The following GPBP1 variants were observed in gnomAD, a reference collection of about 807,000 sequenced individuals.
GPBP1 encodes the protein GC-rich promoter binding protein 1, also known as vasculin.
In GPBP1, 13 loss-of-function variants were observed where a neutral mutation model predicts 56.5. The observed-to-expected ratio is 0.23, with a 90% CI of 0.15 to 0.37. The LOEUF (loss-of-function observed/expected upper bound fraction) is 0.37. Ranked by LOEUF, GPBP1 falls within the 10% of genes least tolerant of loss-of-function variation. The pLI is 1.00. For missense variants in GPBP1, 477 were observed against 572.3 expected, an observed-to-expected ratio of 0.83 and a Z score of 1.70; for synonymous variants, 204 against 188.9, an observed-to-expected ratio of 1.08 and a Z score of -0.66.
chr5:57,260,679 A>G (rs1213387351), intron 10 of GPBP1, among the ~76,000 whole-genome samples: 1 of 152,172 alleles, frequency 6.6e-6, no homozygotes, highest in African/African-American at 2.4e-5. Context: ...AGAAGTACTT[A>G]GGGGTTTCAT....
At chr5:57,207,172 C>G (rs1333182676) in intron 2 of GPBP1, among the ~76,000 whole-genome samples, 5 of 152,208 alleles carry the variant, frequency 3.3e-5, no homozygotes, top group Admixed American at 2.0e-4. Context: ...GGCCAGCTCA[C>G]TGTTACTTTA....
intron 2 of GPBP1, among the ~76,000 whole-genome samples, chr5:57,202,160 G>T (rs1755048003): frequency 6.6e-6 from 1 of 151,960 alleles, no homozygotes; most frequent in South Asian, 2.1e-4. Flanking sequence ...CGCTCGGCTA[G>T]TTTTTGTAGA....
intron 6 of GPBP1, among the ~76,000 whole-genome samples, chr5:57,238,197 T>A (rs1310617645): frequency 6.6e-6 from 1 of 152,220 alleles, no homozygotes; most frequent in Non-Finnish European, 1.5e-5. Context: ...ATTGTTTGAT[T>A]GATTTCTTTG....
chr5:57,219,389 AAAAAAAAAAAAAAAC>A (rs1755834511), intron 3 of GPBP1, among the ~76,000 whole-genome samples: 1 of 56,876 alleles, frequency 1.8e-5, no homozygotes, highest in African/African-American at 1.4e-4. Context: ...AAAAAAAAAA[AAAAAAAAAAAAAAAC>A]CAAAAACAAA....
intron 3 of GPBP1, among the ~76,000 whole-genome samples, chr5:57,225,667 C>T (rs1164630081): frequency 6.6e-6 from 1 of 152,072 alleles, no homozygotes. Context: ...AAACACATTA[C>T]CCCAGGAGGT....
At chr5:57,204,576 C>T (rs1045524668) in intron 2 of GPBP1, among the ~76,000 whole-genome samples, 2 of 152,108 alleles carry the variant, frequency 1.3e-5, no homozygotes, top group Non-Finnish European at 2.9e-5. Context: ...AAATTACTTT[C>T]CTTGAATTTA....
chr5:57,209,794 T>G (rs139668697), intron 2 of GPBP1, among the ~76,000 whole-genome samples: 103 of 152,304 alleles, frequency 6.8e-4, no homozygotes, highest in African/African-American at 2.4e-3. Flanking sequence ...TATTATTGAT[T>G]GATTTTTGTA....
At chr5:57,247,761 T>C (rs902613912) in intron 8 of GPBP1, among the ~76,000 whole-genome samples, 1 of 151,980 alleles carries the variant, frequency 6.6e-6, no homozygotes. Flanking sequence ...TGGGGGGTGG[T>C]AGGAGGGACA....
intron 3 of GPBP1, chr5:57,221,467 G>A (rs995731415): frequency 1.6e-5 from 15 of 920,900 alleles, no homozygotes; most frequent in Non-Finnish European, 2.0e-5. Context: ...CATTTGTTAT[G>A]CTAGGAAGGA....
intron 2 of GPBP1, among the ~76,000 whole-genome samples, chr5:57,212,784 C>T (rs1315494670): frequency 6.6e-6 from 1 of 151,418 alleles, no homozygotes; most frequent in African/African-American, 2.4e-5. Flanking sequence ...ATTCTCTTGC[C>T]TCAGCCTCCT....
At position 57,187,201 on chromosome 5, in the gene GPBP1, A is replaced by G. The variant is rs541131656; in HGVS notation, c.-58+10801A>G. On this transcript the variant is annotated intron_variant, in intron 2 of 11. Coordinates refer to ENST00000506184, the MANE Select transcript of GPBP1 (RefSeq NM_022913.4). Reference sequence around the variant, plus strand: ...GGAAATTGTTTTTGTGGGTGTGTGAAGTAAGACCTGTTGCAAAATAACGTC... The same window carrying G: ...GGAAATTGTTTTTGTGGGTGTGTGAGGTAAGACCTGTTGCAAAATAACGTC... 3.9e-5 allele frequency among the ~76,000 whole-genome samples: 6 copies of G among 152,258 alleles called. No homozygotes were observed. The South Asian group carries it at 1.2e-3, about 32-fold the overall frequency.
intron 10 of GPBP1, among the ~76,000 whole-genome samples, chr5:57,260,149 A>G (rs1050118886): frequency 6.6e-6 from 1 of 152,202 alleles, no homozygotes. Flanking sequence ...ATTCAGAATC[A>G]TGTAAGCTGA....
At chr5:57,177,153 C>T (rs1753819891) in intron 2 of GPBP1, among the ~76,000 whole-genome samples, 2 of 151,744 alleles carry the variant, frequency 1.3e-5, no homozygotes, top group South Asian at 4.2e-4. Flanking sequence ...GTTATGCTGG[C>T]CTAAGTTTGT....
chr5:57,223,149 T>C (rs1178065654), intron 3 of GPBP1, among the ~76,000 whole-genome samples: 1 of 152,186 alleles, frequency 6.6e-6, no homozygotes, highest in East Asian at 1.9e-4. Context: ...TAATTTTTTT[T>C]CCCTCTTAGA....
intron 3 of GPBP1, among the ~76,000 whole-genome samples, chr5:57,228,226 G>A (rs4552550): frequency 0.27 from 41,534 of 152,048 alleles, 6,292 homozygotes; most frequent in East Asian, 0.71. Context: ...AGAGCCCAAG[G>A]CGGGCAGATC....
At chr5:57,199,443 C>T (rs1482040263) in intron 2 of GPBP1, among the ~76,000 whole-genome samples, 1 of 152,018 alleles carries the variant, frequency 6.6e-6, no homozygotes, top group African/African-American at 2.4e-5. Context: ...ATTGGGTTAG[C>T]CCTGGAAAGG....
At chr5:57,189,293 AT>A (rs775800064) in intron 2 of GPBP1, among the ~76,000 whole-genome samples, 4 of 152,070 alleles carry the variant, frequency 2.6e-5, no homozygotes, top group Non-Finnish European at 5.9e-5. Flanking sequence ...TAATTTTTGT[AT>A]TTTTAGTAGA....
intron 2 of GPBP1, among the ~76,000 whole-genome samples, chr5:57,196,001 AAAAAAT>A (rs1375696801): frequency 2.0e-5 from 3 of 149,594 alleles, no homozygotes; most frequent in Admixed American, 6.7e-5. Flanking sequence ...AAAAAAAAAA[AAAAAAT>A]TTTTTTTTTT....
intron 3 of GPBP1, among the ~76,000 whole-genome samples, chr5:57,217,137 G>A (rs1371509706): frequency 2.6e-5 from 4 of 152,116 alleles, no homozygotes; most frequent in Admixed American, 2.6e-4. Flanking sequence ...TATGCCACTA[G>A]TGATTTCTTT....
Sources: gnomAD v4.1 joint callset for allele counts (sites outside exome capture counted in the v4.1 genomes callset) on GRCh38, gnomAD v4.1.1 for gene constraint, MANE v1.5 for transcripts, NCBI Gene and HGNC (gene_info 2026-07-23, HGNC 2026-07-21) for gene names.